PAN3: variants seen among roughly 807,000 people sequenced by gnomAD.
The protein encoded by PAN3 is PAN2-PAN3 deadenylation complex subunit PAN3.
In PAN3, 19 loss-of-function variants were observed where a neutral mutation model predicts 96.2. The observed-to-expected ratio is 0.20, with a 90% CI of 0.14 to 0.29. The LOEUF is 0.29. PAN3 is among the 10% of genes least tolerant of loss of function. PAN3 has a pLI of 1.00. For missense variants in PAN3, 882 were observed against 1,108.1 expected (o/e 0.80, Z 2.90); for synonymous variants, 433 against 406.6 (o/e 1.06, Z -0.78).
In PAN3 at chr13:28,142,567, C is replaced by G. The variant is rs185584544; in HGVS notation, c.430+3480C>G. Among the ~76,000 whole-genome samples the G allele has an allele frequency of 2.1e-3, 304 of 145,604 alleles. 3 individuals carry two copies. The highest frequency in any genetic ancestry group is 7.6e-3 in the African/African-American group (288 of 37,684). ...CACAGGCACTGGCTACCAAGCACCT[C>G]TAATTATTTTGTATTTTTGGTAGAG... On this transcript the variant is annotated intron_variant, in intron 1 of 18. Coordinates refer to ENST00000380958, the MANE Select transcript of PAN3 (RefSeq NM_175854.8).
intron 1 of PAN3, among the ~76,000 whole-genome samples, chr13:28,143,872 G>C (rs1449181784): frequency 6.6e-6 from 1 of 152,142 alleles, no homozygotes; most frequent in East Asian, 1.9e-4. Context: ...GTAATGTGTA[G>C]CGTGTGGCAA....
At chr13:28,217,914 C>T (rs1400110867) in intron 5 of PAN3, among the ~76,000 whole-genome samples, 2 of 151,706 alleles carry the variant, frequency 1.3e-5, no homozygotes, top group African/African-American at 4.8e-5. Context: ...TTATATAACT[C>T]AAGTTCTTAT....
chr13:28,235,392 C>T (rs1012473244), intron 6 of PAN3, among the ~76,000 whole-genome samples: 1 of 152,170 alleles, frequency 6.6e-6, no homozygotes, highest in African/African-American at 2.4e-5. Context: ...GACTCTACTT[C>T]ATATAGGACC....
At chr13:28,289,813 C>T (rs865774132) in intron 18 of PAN3, among the ~76,000 whole-genome samples, 2 of 151,980 alleles carry the variant, frequency 1.3e-5, no homozygotes, top group East Asian at 3.9e-4. Flanking sequence ...ACCCGGGAGG[C>T]GGAGTTTGCA....
At chr13:28,211,677 T>C (rs932717695) in intron 5 of PAN3, among the ~76,000 whole-genome samples, 4 of 152,208 alleles carry the variant, frequency 2.6e-5, no homozygotes, top group African/African-American at 9.7e-5. Flanking sequence ...TTCAAAACAT[T>C]ACCACTAAAT....
chr13:28,264,807 G>T (rs1016114627), intron 9 of PAN3, among the ~76,000 whole-genome samples: 1 of 152,164 alleles, frequency 6.6e-6, no homozygotes, highest in African/African-American at 2.4e-5. Context: ...ACTTCAGATT[G>T]TATCAGAAAC....
intron 6 of PAN3, among the ~76,000 whole-genome samples, chr13:28,247,517 T>C (rs926276398): frequency 5.9e-5 from 9 of 152,190 alleles, no homozygotes; most frequent in Non-Finnish European, 1.2e-4. Flanking sequence ...CCCAGACTGA[T>C]GTCCTGAGGG....
At chr13:28,220,131 T>G (rs1472704882) in intron 5 of PAN3, 100 bp from the exon 6 acceptor site, 6 of 1,142,528 alleles carry the variant, frequency 5.3e-6, no homozygotes, top group Non-Finnish European at 7.2e-6. Context: ...CAATAATATA[T>G]TTTACTTAGT....
intron 6 of PAN3, 137 bp from the exon 7 acceptor site, chr13:28,256,155 A>C (rs1885119111): frequency 1.1e-6 from 1 of 948,636 alleles, no homozygotes; most frequent in Admixed American, 2.5e-5. Flanking sequence ...AACAAGATAA[A>C]ATTATTTCCT....
intron 1 of PAN3, among the ~76,000 whole-genome samples, chr13:28,174,035 T>C (rs1340513393): frequency 6.6e-6 from 1 of 152,236 alleles, no homozygotes; most frequent in Non-Finnish European, 1.5e-5. Flanking sequence ...GCCTGGGGGC[T>C]ATTTGGTGAC....
rs534580154 is a variant in PAN3, at chr13:28,188,844, A to G, written c.691-8341A>G. ...GTTTTGCAATTACCAAAAGAATTAA[A>G]TGCTCTGAGAATTGGTCTGTTACTT... On this transcript the variant is annotated intron_variant, in intron 4 of 18. Coordinates refer to ENST00000380958, the MANE Select transcript of PAN3 (RefSeq NM_175854.8). Among the ~76,000 whole-genome samples, 10 of 151,946 alleles carry G rather than the reference A, an allele frequency of 6.6e-5. No individual in the cohort carries two copies. The South Asian group carries it at 1.7e-3, about 25-fold the overall frequency.
chr13:28,214,424 A>G (rs781299973), intron 5 of PAN3: 12 of 209,688 alleles, frequency 5.7e-5, no homozygotes, highest in South Asian at 1.6e-4. Context: ...AAGTGGATCA[A>G]TCTTCATGCT....
chr13:28,153,299 G>A (rs529595059), intron 1 of PAN3, among the ~76,000 whole-genome samples: 191 of 144,810 alleles, frequency 1.3e-3, no homozygotes, highest in Non-Finnish European at 1.4e-3. Context: ...GCAATGGCGC[G>A]ATCTCGGCTC....
chr13:28,225,039 G>A (rs1405045575), intron 6 of PAN3, among the ~76,000 whole-genome samples: 2 of 152,066 alleles, frequency 1.3e-5, no homozygotes, highest in African/African-American at 4.8e-5. Flanking sequence ...TTTATTTATT[G>A]TAGGCTTTTG....
At chr13:28,261,954 G>T (rs1162205037) in intron 9 of PAN3, among the ~76,000 whole-genome samples, 1 of 151,954 alleles carries the variant, frequency 6.6e-6, no homozygotes, top group Non-Finnish European at 1.5e-5. Flanking sequence ...AGAATTCATG[G>T]TGATTTACTT....
intron 6 of PAN3, among the ~76,000 whole-genome samples, chr13:28,248,334 T>C (rs2138541101): frequency 6.6e-6 from 1 of 152,304 alleles, no homozygotes; most frequent in South Asian, 2.1e-4. Context: ...TCTTTTGGTG[T>C]TTCTAAATAT....
intron 14 of PAN3, 150 bp downstream of exon 14, chr13:28,272,221 C>T: frequency 4.3e-6 from 2 of 462,522 alleles, no homozygotes; most frequent in South Asian, 3.9e-5. Context: ...CTCCCCCTCC[C>T]CTCCCTCTCT....
intron 1 of PAN3, among the ~76,000 whole-genome samples, chr13:28,151,332 G>A (rs575268452): frequency 3.5e-4 from 54 of 152,116 alleles, no homozygotes; most frequent in Admixed American, 1.9e-3. Context: ...TGGCTAACAC[G>A]GTGAAACCCC....
intron 6 of PAN3, among the ~76,000 whole-genome samples, chr13:28,255,642 A>C (rs1169709735): frequency 1.4e-4 from 21 of 152,216 alleles, no homozygotes; most frequent in Non-Finnish European, 4.4e-5. Flanking sequence ...GCATCTGTAG[A>C]AATTTTCAGA....
Sources: allele counts gnomAD v4.1 joint callset (sites outside exome capture counted in the v4.1 genomes callset), GRCh38; gene constraint gnomAD v4.1.1; transcripts MANE v1.5; gene names NCBI Gene and HGNC (gene_info 2026-07-23, HGNC 2026-07-21).